The following CFAP70 variants were observed in gnomAD, a reference collection of about 807,000 sequenced individuals.
The protein encoded by CFAP70 is cilia- and flagella-associated protein 70.
A neutral mutation model predicts 137.6 loss-of-function variants in CFAP70; 81 were observed. The ratio of observed to expected loss-of-function variants is 0.59; its 90% CI spans 0.49 to 0.71. The LOEUF is 0.71. CFAP70 is among the 30% of genes least tolerant of loss of function. The pLI is 0.00. For synonymous variants in CFAP70, 382 were observed against 423.6 expected (o/e 0.90, Z 1.20); for missense variants, 976 against 1,226.7 (o/e 0.80, Z 3.05).
chr10:73,277,949 G>GT (rs1341875862), intron 20 of CFAP70, among the ~76,000 whole-genome samples: 1 of 152,180 alleles, frequency 6.6e-6, no homozygotes, highest in African/African-American at 2.4e-5. Context: ...GTTTGTAGAT[G>GT]TTTTTTAAAA....
chr10:73,352,193 T>C (rs1225128831), intron 3 of CFAP70, among the ~76,000 whole-genome samples: 1 of 152,194 alleles, frequency 6.6e-6, no homozygotes, highest in Non-Finnish European at 1.5e-5. Context: ...CCACTAACAT[T>C]ATGAGGGGTG....
chr10:73,313,520 G>A (rs1400264614), intron 9 of CFAP70, among the ~76,000 whole-genome samples: 1 of 146,868 alleles, frequency 6.8e-6, no homozygotes, highest in Non-Finnish European at 1.5e-5. Context: ...TCCAGCCTGG[G>A]CTACACAGCA....
chr10:73,312,158 G>A (rs547224590), intron 10 of CFAP70, among the ~76,000 whole-genome samples: 1 of 152,166 alleles, frequency 6.6e-6, no homozygotes, highest in Non-Finnish European at 1.5e-5. Flanking sequence ...GAAAACACAT[G>A]GACACAGGGA....
intron 1 of CFAP70, among the ~76,000 whole-genome samples, chr10:73,356,773 T>C (rs1332253317): frequency 6.6e-6 from 1 of 152,210 alleles, no homozygotes; most frequent in Non-Finnish European, 1.5e-5. Flanking sequence ...CAGTCTTCTT[T>C]CCTTTTCAAT....
At chr10:73,314,422 T>G (rs774050663) in intron 9 of CFAP70, among the ~76,000 whole-genome samples, 1 of 152,154 alleles carries the variant, frequency 6.6e-6, no homozygotes, top group Non-Finnish European at 1.5e-5. Flanking sequence ...TTTCATAGAT[T>G]CAAAGACACA....
At chr10:73,288,960 T>C (rs1414306115) in intron 19 of CFAP70, among the ~76,000 whole-genome samples, 1 of 152,242 alleles carries the variant, frequency 6.6e-6, no homozygotes, top group East Asian at 1.9e-4. Context: ...CTGCATTCTT[T>C]GCAGTTTATC....
chr10:73,298,709 A>C (rs1333889164), intron 14 of CFAP70, among the ~76,000 whole-genome samples, 198 bp downstream of exon 15: 1 of 152,178 alleles, frequency 6.6e-6, no homozygotes, highest in Non-Finnish European at 1.5e-5. Context: ...TCCCGTTCAG[A>C]ATATATGTAA....
At chr10:73,278,661 G>C (rs1284824604) in intron 19 of CFAP70, among the ~76,000 whole-genome samples, 1 of 152,052 alleles carries the variant, frequency 6.6e-6, no homozygotes, top group Non-Finnish European at 1.5e-5. Flanking sequence ...TCTTTGCAAG[G>C]ATACGTTTGT....
intron 19 of CFAP70, among the ~76,000 whole-genome samples, chr10:73,285,452 G>T (rs1036692194): frequency 5.9e-5 from 9 of 152,016 alleles, no homozygotes; most frequent in African/African-American, 2.2e-4. Flanking sequence ...TCTGCTTCTG[G>T]CAATTATTGA....
exon 3 of CFAP70, chr10:73,353,703 C>G: frequency 1.2e-6 from 2 of 1,614,150 alleles, no homozygotes; most frequent in Non-Finnish European, 1.7e-6. Flanking sequence ...TTGAATTCTG[C>G]TCGAATAAAG....
intron 3 of CFAP70, 95 bp downstream of exon 3, chr10:73,353,461 A>C: frequency 9.0e-7 from 1 of 1,112,958 alleles, no homozygotes. Context: ...TTTTAGTTAC[A>C]TGTTTAAAAG....
At chr10:73,291,142 GT>G in intron 19 of CFAP70, 83 bp downstream of exon 20, 7 of 1,227,314 alleles carry the variant, frequency 5.7e-6, no homozygotes, top group Non-Finnish European at 8.3e-6. Context: ...AGCCTCCCAG[GT>G]TGCTAGGACT....
intron 6 of CFAP70, among the ~76,000 whole-genome samples, chr10:73,337,009 A>C (rs1204445632): frequency 6.6e-6 from 1 of 152,226 alleles, no homozygotes; most frequent in Non-Finnish European, 1.5e-5. Flanking sequence ...ACTGCTTTTT[A>C]TATAATGTGG....
At chr10:73,323,876 G>T (rs1263742785) in intron 8 of CFAP70, among the ~76,000 whole-genome samples, 1 of 152,256 alleles carries the variant, frequency 6.6e-6, no homozygotes, top group African/African-American at 2.4e-5. Flanking sequence ...GCCTGCCTCT[G>T]TAGGCTCCAC....
chr10:73,309,438 G>T (rs974243875), intron 12 of CFAP70, among the ~76,000 whole-genome samples: 5 of 152,076 alleles, frequency 3.3e-5, no homozygotes, highest in Admixed American at 6.6e-5. Context: ...GTTAAAAGCA[G>T]TTATCACTAG....
chr10:73,344,308 GA>G (rs569278839), intron 5 of CFAP70, among the ~76,000 whole-genome samples: 80 of 151,868 alleles, frequency 5.3e-4, no homozygotes, highest in African/African-American at 1.8e-3. Context: ...CCCTCCAGGA[GA>G]AAAAAAATAA....
At chr10:73,314,739 C>T (rs2050195801) in intron 9 of CFAP70, among the ~76,000 whole-genome samples, 1 of 152,096 alleles carries the variant, frequency 6.6e-6, no homozygotes, top group Non-Finnish European at 1.5e-5. Context: ...TCCTGAGTAG[C>T]TGGGACACAG....
At chr10:73,260,121 G>A (rs1384063137) in intron 25 of CFAP70, among the ~76,000 whole-genome samples, 1 of 152,070 alleles carries the variant, frequency 6.6e-6, no homozygotes, top group East Asian at 1.9e-4. Flanking sequence ...GGAAAGCTGA[G>A]GCATGAGGAT....
At chr10:73,340,456 C>A (rs776512990) in intron 6 of CFAP70, among the ~76,000 whole-genome samples, 1 of 152,248 alleles carries the variant, frequency 6.6e-6, no homozygotes, top group Non-Finnish European at 1.5e-5. Flanking sequence ...GTTCTCACTC[C>A]AGTCCATGGA....
Sources: allele counts gnomAD v4.1 joint callset (sites outside exome capture counted in the v4.1 genomes callset), GRCh38; gene constraint gnomAD v4.1.1; transcripts MANE v1.5; gene names NCBI Gene and HGNC (gene_info 2026-07-23, HGNC 2026-07-21).